The following PALLD variants were observed in gnomAD, a reference collection of about 807,000 sequenced individuals.
The protein encoded by PALLD is palladin, cytoskeletal associated protein.
A neutral mutation model predicts 123.5 loss-of-function variants in PALLD; 61 were observed. The ratio of observed to expected loss-of-function variants is 0.49; its 90% CI spans 0.40 to 0.61. The LOEUF (loss-of-function observed/expected upper bound fraction) is 0.61, where lower values mean the gene tolerates loss of function less well. Ranked by LOEUF, PALLD falls within the 20% of genes least tolerant of loss-of-function variation. The pLI is 0.00. For missense variants in PALLD, 1,273 were observed against 1,377.0 expected (o/e 0.92, Z 1.20); for synonymous variants, 465 against 496.4 (o/e 0.94, Z 0.84).
chr4:168,606,209 T>C (rs768584226), intron 2 of PALLD, among the ~76,000 whole-genome samples: 62 of 152,288 alleles, frequency 4.1e-4, no homozygotes, highest in Non-Finnish European at 7.1e-4. Context: ...TTACGTGTGA[T>C]TTTTGGACAC....
At position 168,926,947 on chromosome 4, in the gene PALLD, T is replaced by TA; in HGVS notation, c.*770dup. The TA allele has an allele frequency of 9.1e-6, 2 of 219,424 alleles. No homozygotes were observed. Among genetic ancestry groups the TA allele is most frequent in the Non-Finnish European group, 1.8e-5 (2 of 109,204 alleles). The allele number at this position is 219,424 out of a possible 1,614,324, so 13.6% of individuals were successfully genotyped here. On this transcript the variant is annotated 3_prime_UTR_variant, in exon 22 of 22. Coordinates refer to ENST00000505667, the MANE Select transcript of PALLD (RefSeq NM_001166108.2). ...ATCATAAGGAAGGAACTACTTGCCTTAAATGTTAATATCAAAAGAGTTTTC... is the reference window on the plus strand; with the variant it reads ...ATCATAAGGAAGGAACTACTTGCCTTAAAATGTTAATATCAAAAGAGTTTTC...
At chr4:168,503,646 CAAA>C (rs35693126) in intron 1 of PALLD, among the ~76,000 whole-genome samples, 6 of 111,696 alleles carry the variant, frequency 5.4e-5, no homozygotes, top group Admixed American at 9.3e-5. Context: ...GACTCCATCT[CAAA>C]AAAAAAAAAA....
intron 2 of PALLD, among the ~76,000 whole-genome samples, chr4:168,639,021 C>T (rs1776628845): frequency 6.6e-6 from 1 of 152,142 alleles, no homozygotes; most frequent in Admixed American, 6.5e-5. Flanking sequence ...CAGATACTTC[C>T]CCATAAGGAT....
chr4:168,708,220 A>G (rs961285621), intron 8 of PALLD, among the ~76,000 whole-genome samples: 1 of 152,226 alleles, frequency 6.6e-6, no homozygotes, highest in African/African-American at 2.4e-5. Context: ...AGTGCTGGTA[A>G]CAATACCTAG....
chr4:168,635,514 G>T (rs1446932884), intron 2 of PALLD, among the ~76,000 whole-genome samples: 1 of 152,202 alleles, frequency 6.6e-6, no homozygotes, highest in Non-Finnish European at 1.5e-5. Flanking sequence ...ACTTCACTCT[G>T]TGGCTCAGGT....
At position 168,697,619 on chromosome 4, in the gene PALLD, G is replaced by C. The variant is rs116202545; in HGVS notation, c.1501+6327G>C. Among the ~76,000 whole-genome samples the C allele has an allele frequency of 7.0e-3, 1,059 of 152,250 alleles. 8 individuals carry two copies. The highest frequency in any genetic ancestry group is 0.025 in the East Asian group (131 of 5,172). The stretch of plus-strand genomic sequence containing the variant: ...CATGGACTGTCACCTGGATCAGCTG[G>C]GAACACTCATCTTACCCCCACAGAA... On this transcript the variant is annotated intron_variant, in intron 8 of 21. Transcript: ENST00000505667.
At chr4:168,609,633 C>A (rs1051281066) in intron 2 of PALLD, among the ~76,000 whole-genome samples, 1 of 152,130 alleles carries the variant, frequency 6.6e-6, no homozygotes, top group Non-Finnish European at 1.5e-5. Flanking sequence ...GTGCTGAGGG[C>A]AGCTTAGTGG....
intron 19 of PALLD, 108 bp downstream of exon 19, chr4:168,924,528 G>A: frequency 8.9e-7 from 1 of 1,123,908 alleles, no homozygotes; most frequent in South Asian, 1.3e-5. Context: ...CCACATAGAT[G>A]TTTTGATTTT....
intron 2 of PALLD, among the ~76,000 whole-genome samples, chr4:168,609,767 G>T (rs757032697): frequency 3.3e-5 from 5 of 152,152 alleles, no homozygotes; most frequent in Non-Finnish European, 5.9e-5. Flanking sequence ...CTGAATCTGA[G>T]GTTTCTATGT....
In PALLD at chr4:168,927,151, A is replaced by G; in HGVS notation, c.*971A>G. 8.7e-6 allele frequency: 2 copies of G among 229,018 alleles called. No homozygotes were observed. Among genetic ancestry groups the G allele is most frequent in the Non-Finnish European group, 1.7e-5 (2 of 115,108 alleles). 14.2% of individuals were successfully genotyped at this position (229,018 alleles called of 1,614,324 possible). ...CAGTTCATTCCACAGAAAGCATCCA[A>G]ACCACCCAAATGACCAAGGCATATA... On this transcript the variant is annotated 3_prime_UTR_variant, in exon 22 of 22. Coordinates refer to ENST00000505667, the MANE Select transcript of PALLD (RefSeq NM_001166108.2).
chr4:168,794,220 C>A (rs987792633), intron 10 of PALLD, among the ~76,000 whole-genome samples: 1 of 152,220 alleles, frequency 6.6e-6, no homozygotes, highest in African/African-American at 2.4e-5. Flanking sequence ...CCAGGCCCAC[C>A]TGGCCTGAGG....
intron 10 of PALLD, among the ~76,000 whole-genome samples, chr4:168,785,592 T>C (rs1460307144): frequency 6.6e-6 from 1 of 152,002 alleles, no homozygotes; most frequent in Non-Finnish European, 1.5e-5. Flanking sequence ...TTCTGCAGTC[T>C]TCTGAAAGTT....
At chr4:168,816,409 ATATATT>A (rs1466479822) in intron 10 of PALLD, among the ~76,000 whole-genome samples, 4 of 116,396 alleles carry the variant, frequency 3.4e-5, no homozygotes, top group Middle Eastern at 4.2e-3. Context: ...ATATATATAT[ATATATT>A]TTTTTTAAGT....
intron 10 of PALLD, among the ~76,000 whole-genome samples, chr4:168,731,996 G>GA (rs757182440): frequency 2.6e-5 from 4 of 152,232 alleles, no homozygotes; most frequent in Non-Finnish European, 5.9e-5. Flanking sequence ...CATGGATGGT[G>GA]AAAGGCTGAA....
At chr4:168,761,645 G>GTTGTTTTT (rs1732869963) in intron 10 of PALLD, among the ~76,000 whole-genome samples, 1 of 88,024 alleles carries the variant, frequency 1.1e-5, no homozygotes, top group Non-Finnish European at 2.2e-5. Context: ...GTTGTTGTTT[G>GTTGTTTTT]TTTTTTTTTT....
intron 10 of PALLD, among the ~76,000 whole-genome samples, chr4:168,732,809 A>G (rs1046607115): frequency 1.3e-5 from 2 of 152,230 alleles, no homozygotes; most frequent in Admixed American, 6.5e-5. Context: ...CCGATAGTCT[A>G]TTCCTCACAA....
At chr4:168,527,794 T>C (rs2149473496) in intron 2 of PALLD, among the ~76,000 whole-genome samples, 1 of 152,248 alleles carries the variant, frequency 6.6e-6, no homozygotes, top group Non-Finnish European at 1.5e-5. Context: ...TCCTTCAGGT[T>C]TCCGGTTGGG....
Position 168,750,540 on chromosome 4 carries a change from A to T in PALLD, c.1964+38617A>T, listed in dbSNP as rs554526709. 1.9e-4 allele frequency among the ~76,000 whole-genome samples: 29 copies of T among 152,202 alleles called. No individual in the cohort carries two copies. The East Asian group carries it at 5.2e-3, about 27-fold the overall frequency. On this transcript the variant is annotated intron_variant, in intron 10 of 21. Coordinates refer to ENST00000505667, the MANE Select transcript of PALLD (RefSeq NM_001166108.2). ...ACCATGTTGCAGAAATTATATATAT[A>T]TTTTTTAACAAAATTGGCCACTATT...
rs533216267 is a variant in PALLD at position 168,636,054 on chromosome 4, T to C, written c.909-32136T>C. Among the ~76,000 whole-genome samples the C allele has an allele frequency of 5.3e-4, 80 of 152,280 alleles. 2 individuals are homozygous for C. In the South Asian group the frequency reaches 0.017, roughly 32 times the overall value. On this transcript the variant is annotated intron_variant, in intron 2 of 21. Coordinates refer to ENST00000505667, the MANE Select transcript of PALLD (RefSeq NM_001166108.2). ...CCTTCCCAAATATGACATGTGATCA[T>C]CAGAACCACATTTGGAAGCAGGTAG...
Sources: gnomAD v4.1 joint callset for allele counts (sites outside exome capture counted in the v4.1 genomes callset) on GRCh38, gnomAD v4.1.1 for gene constraint, MANE v1.5 for transcripts, NCBI Gene and HGNC (gene_info 2026-07-23, HGNC 2026-07-21) for gene names.